The following EDA variants were observed in gnomAD, a reference collection of about 807,000 sequenced individuals.
EDA encodes ectodysplasin A, also known as ectodysplasin-A.
EDA carries 2 observed loss-of-function variants against 23.6 expected under a neutral mutation model. That is an observed-to-expected ratio of 0.08 (90% CI 0.03 to 0.27). The LOEUF is 0.27. EDA is among the 10% of genes least tolerant of loss of function. The pLI is 1.00. For missense variants in EDA, 229 were observed against 324.2 expected, an observed-to-expected ratio of 0.71 and a Z score of 2.26; for synonymous variants, 131 against 132.0, an observed-to-expected ratio of 0.99 and a Z score of 0.05.
chrX:70,004,101 A>G (rs1449791720), intron 2 of EDA, among the ~76,000 whole-genome samples: 1 of 112,251 alleles, frequency 8.9e-6, no homozygotes, highest in Non-Finnish European at 1.9e-5. Flanking sequence ...ACCTCATGAA[A>G]CTTTGAGGGA....
chrX:69,627,777 C>A (rs193293364), intron 1 of EDA, among the ~76,000 whole-genome samples: 3 of 111,833 alleles, frequency 2.7e-5, no homozygotes, highest in Non-Finnish European at 5.7e-5. Context: ...GCTTAATGAA[C>A]ACCACTGTGG....
intron 1 of EDA, among the ~76,000 whole-genome samples, chrX:69,660,486 C>T (rs775682878): frequency 2.9e-4 from 32 of 108,682 alleles, no homozygotes; most frequent in South Asian, 1.7e-3. Flanking sequence ...TGCTATCCCT[C>T]CCCACTCCCC....
chrX:69,769,443 G>A, intron 1 of EDA, among the ~76,000 whole-genome samples: 1 of 111,261 alleles, frequency 9.0e-6, no homozygotes, highest in African/African-American at 3.3e-5. Flanking sequence ...TATGTTGTTG[G>A]ATCTTGCTTT....
chrX:69,825,593 C>T (rs191212238), intron 1 of EDA, among the ~76,000 whole-genome samples: 21 of 60,733 alleles, frequency 3.5e-4, no homozygotes, highest in Non-Finnish European at 7.7e-4. Context: ...CTCTCTTTTT[C>T]TCTTTATTAG....
rs779927721 is a variant in EDA, at chrX:69,675,722, A to G, written c.396+59018A>G. 3.6e-5 allele frequency among the ~76,000 whole-genome samples: 4 copies of G among 111,819 alleles called. No individual in the cohort carries two copies. The South Asian group carries it at 1.5e-3, about 42-fold the overall frequency. On this transcript the variant is annotated intron_variant, in intron 1 of 7. Transcript: ENST00000374552. ...AAAAATTCTGGCCCTCACAGAGCCA[A>G]TAGTCTAGTGGAGGAAGACACACAA... is the stretch of plus-strand genomic sequence containing the variant.
intron 2 of EDA, among the ~76,000 whole-genome samples, chrX:69,976,244 G>C (rs1471715708): frequency 9.0e-6 from 1 of 111,503 alleles, no homozygotes; most frequent in Non-Finnish European, 1.9e-5. Flanking sequence ...AGACTTTCTA[G>C]GTATATGTGT....
intron 1 of EDA, among the ~76,000 whole-genome samples, chrX:69,822,551 T>C (rs923786628): frequency 1.8e-5 from 2 of 111,451 alleles, no homozygotes; most frequent in Non-Finnish European, 3.8e-5. Context: ...AAAGCCACTT[T>C]CAGATCAATG....
chrX:69,892,809 C>T (rs2017953862), intron 1 of EDA, among the ~76,000 whole-genome samples: 1 of 111,461 alleles, frequency 9.0e-6, no homozygotes, highest in South Asian at 3.8e-4. Context: ...TCATCACTCA[C>T]TCTTGTCCCT....
intron 1 of EDA, among the ~76,000 whole-genome samples, chrX:69,766,686 C>T (rs939420452): frequency 2.7e-5 from 3 of 112,312 alleles, no homozygotes; most frequent in Non-Finnish European, 5.6e-5. Context: ...TTAATCCAGT[C>T]TGTCATTGGT....
At chrX:69,685,066 A>G (rs1266277251) in intron 1 of EDA, among the ~76,000 whole-genome samples, 1 of 112,061 alleles carries the variant, frequency 8.9e-6, no homozygotes, top group African/African-American at 3.2e-5. Context: ...GAAGTGACTA[A>G]TAGTCTGGAA....
At chrX:69,719,756 C>CTT (rs1287499879) in intron 1 of EDA, among the ~76,000 whole-genome samples, 1 of 102,582 alleles carries the variant, frequency 9.7e-6, no homozygotes, top group Non-Finnish European at 2.0e-5. Context: ...CATTTTCTTT[C>CTT]TTTTTTTTTT....
chrX:69,890,947 AACAG>A (rs1365515110), intron 1 of EDA, among the ~76,000 whole-genome samples: 1 of 111,790 alleles, frequency 8.9e-6, no homozygotes, highest in Non-Finnish European at 1.9e-5. Flanking sequence ...CAGCGGAGTA[AACAG>A]ACAGCCTACA....
intron 1 of EDA, among the ~76,000 whole-genome samples, chrX:69,864,771 A>G (rs2017457403): frequency 9.0e-6 from 1 of 111,655 alleles, no homozygotes; most frequent in Non-Finnish European, 1.9e-5. Context: ...CGGGTGGATC[A>G]CTTGAGGTCA....
chrX:69,744,008 A>T (rs2520401), intron 1 of EDA, among the ~76,000 whole-genome samples: 35,349 of 110,647 alleles, frequency 0.32, 5,018 homozygotes, highest in Middle Eastern at 0.57. Flanking sequence ...TGATATGATA[A>T]CAGTAATATC....
At chrX:69,737,462 C>G (rs1484547672) in intron 1 of EDA, among the ~76,000 whole-genome samples, 2 of 112,062 alleles carry the variant, frequency 1.8e-5, no homozygotes, top group Admixed American at 9.5e-5. Flanking sequence ...TAATATCATA[C>G]TACTTCACAT....
intron 2 of EDA, among the ~76,000 whole-genome samples, chrX:70,018,967 T>C (rs1164128302): frequency 1.8e-5 from 2 of 111,617 alleles, no homozygotes; most frequent in Non-Finnish European, 3.8e-5. Context: ...ATATCCAGTA[T>C]CTATAAGAAA....
At chrX:69,761,662 A>C (rs1316980751) in intron 1 of EDA, among the ~76,000 whole-genome samples, 1 of 111,913 alleles carries the variant, frequency 8.9e-6, no homozygotes, top group African/African-American at 3.2e-5. Flanking sequence ...GCTTTGCTTT[A>C]TACAATTGTT....
At chrX:69,839,789 T>C (rs2016857189) in intron 1 of EDA, among the ~76,000 whole-genome samples, 1 of 112,057 alleles carries the variant, frequency 8.9e-6, no homozygotes, top group Admixed American at 9.5e-5. Flanking sequence ...AAGAATGGCA[T>C]TATCAGCTAG....
At chrX:69,878,715 G>GAC (rs61027280) in intron 1 of EDA, among the ~76,000 whole-genome samples, 11,662 of 98,887 alleles carry the variant, frequency 0.12, 1,018 homozygotes, top group East Asian at 0.57. Flanking sequence ...CCTTCACCAA[G>GAC]ACACACACAC....
Sources: gnomAD v4.1 joint callset for allele counts (sites outside exome capture counted in the v4.1 genomes callset) on GRCh38, gnomAD v4.1.1 for gene constraint, MANE v1.5 for transcripts, NCBI Gene and HGNC (gene_info 2026-07-23, HGNC 2026-07-21) for gene names.